Variants in SH3BGR observed in about 807,000 individuals in gnomAD.
SH3BGR encodes SH3 domain-binding glutamic acid-rich protein.
A neutral mutation model predicts 24.5 loss-of-function variants in SH3BGR; 29 were observed. That is an observed-to-expected ratio of 1.18 (90% CI 0.88 to 1.61). The LOEUF (loss-of-function observed/expected upper bound fraction) is 1.61, where lower values mean the gene tolerates loss of function less well. SH3BGR is among the 40% of genes most tolerant of loss of function. The probability of loss-of-function intolerance (pLI) is 0.00; values close to 1 mark genes in which losing one functional copy is unlikely to be tolerated. For missense variants in SH3BGR, 162 were observed against 205.8 expected (o/e 0.79, Z 1.30); for synonymous variants, 55 against 65.7 (o/e 0.84, Z 0.79).
chr21:39,512,001 G>A (rs1052946291), intron 6 of SH3BGR, among the ~76,000 whole-genome samples, 192 bp downstream of exon 6: 2 of 152,152 alleles, frequency 1.3e-5, no homozygotes, highest in Non-Finnish European at 2.9e-5. Context: ...CTGACCTTTC[G>A]TGGGTCTGTT....
upstream of SH3BGR, chr21:39,451,732 A>G: frequency 1.2e-6 from 1 of 801,448 alleles, no homozygotes. Flanking sequence ...CCTTGGCCCC[A>G]AGGCATCTCT....
At chr21:39,470,293 C>A (rs1316725951) in intron 2 of SH3BGR, among the ~76,000 whole-genome samples, 1 of 151,006 alleles carries the variant, frequency 6.6e-6, no homozygotes, top group East Asian at 1.9e-4. Context: ...GAGTCTGGTT[C>A]TGTCACCCAG....
intron 3 of SH3BGR, chr21:39,488,531 CT>C: frequency 2.7e-6 from 1 of 370,970 alleles, no homozygotes; most frequent in Non-Finnish European, 4.4e-6. Context: ...ACTTTGAGCA[CT>C]TCCTGCCCAT....
intron 1 of SH3BGR, 70 bp from the exon 2 acceptor site, chr21:39,462,302 AAGG>A (rs1221961921): frequency 9.3e-7 from 1 of 1,070,182 alleles, no homozygotes; most frequent in Non-Finnish European, 1.4e-6. Context: ...TAACTAGAGG[AAGG>A]ATTTAATTTT....
intron 4 of SH3BGR, among the ~76,000 whole-genome samples, chr21:39,506,725 G>C (rs1470194604): frequency 6.6e-6 from 1 of 152,166 alleles, no homozygotes; most frequent in African/African-American, 2.4e-5. Flanking sequence ...TTGACACGTG[G>C]TGATGATTGC....
intron 2 of SH3BGR, among the ~76,000 whole-genome samples, chr21:39,464,265 C>A (rs2077803606): frequency 6.6e-6 from 1 of 152,170 alleles, no homozygotes; most frequent in Non-Finnish European, 1.5e-5. Flanking sequence ...TCTTGTCTCC[C>A]AGGCTGGAGT....
chr21:39,461,443 A>C (rs1321346597), intron 1 of SH3BGR, among the ~76,000 whole-genome samples: 1 of 152,056 alleles, frequency 6.6e-6, no homozygotes, highest in Non-Finnish European at 1.5e-5. Flanking sequence ...GGCTGTTTGT[A>C]GATCTTAATT....
At chr21:39,447,679 A>G (rs1448002159), upstream of SH3BGR, among the ~76,000 whole-genome samples, 2 of 151,988 alleles carry the variant, frequency 1.3e-5, no homozygotes, top group African/African-American at 4.8e-5. Flanking sequence ...TCGGCCTCCC[A>G]AAATGTTGGG....
intron 6 of SH3BGR, among the ~76,000 whole-genome samples, chr21:39,513,459 A>G (rs1171438963): frequency 6.6e-6 from 1 of 152,208 alleles, no homozygotes; most frequent in African/African-American, 2.4e-5. Flanking sequence ...AAAGCACTTA[A>G]TCTATTTTTA....
intron 4 of SH3BGR, among the ~76,000 whole-genome samples, chr21:39,501,492 T>A (rs1204083965): frequency 6.6e-6 from 1 of 152,246 alleles, no homozygotes; most frequent in Non-Finnish European, 1.5e-5. Flanking sequence ...TATTTTTGTG[T>A]GGGCTATGGT....
At chr21:39,475,290 C>CTGTTTA in intron 3 of SH3BGR, 75 bp downstream of exon 3, 1 of 849,208 alleles carries the variant, frequency 1.2e-6, no homozygotes, top group Non-Finnish European at 2.0e-6. Context: ...GCATCCAAGA[C>CTGTTTA]TGTTTAATAC....
intron 3 of SH3BGR, among the ~76,000 whole-genome samples, chr21:39,479,734 G>C (rs1569161341): frequency 6.6e-6 from 1 of 152,148 alleles, no homozygotes; most frequent in Non-Finnish European, 1.5e-5. Context: ...GTCCAGGGAT[G>C]AGGAGGGAAA....
At chr21:39,458,117 A>G (rs1028924724) in intron 1 of SH3BGR, among the ~76,000 whole-genome samples, 1 of 152,184 alleles carries the variant, frequency 6.6e-6, no homozygotes, top group African/African-American at 2.4e-5. Context: ...TTTGGGATAG[A>G]CATGTACCTT....
chr21:39,482,677 C>CT (rs762506677), intron 3 of SH3BGR, among the ~76,000 whole-genome samples: 2,518 of 148,502 alleles, frequency 0.017, 34 homozygotes, highest in Non-Finnish European at 0.022. Flanking sequence ...TGGAGCAATG[C>CT]TTTTTTTTTT....
chr21:39,451,119 C>A (rs1337003761), upstream of SH3BGR, among the ~76,000 whole-genome samples: 1 of 152,122 alleles, frequency 6.6e-6, no homozygotes, highest in Non-Finnish European at 1.5e-5. Context: ...CTGCCCCGGA[C>A]CTTCTCTAAC....
chr21:39,482,894 T>C (rs2078154301), intron 3 of SH3BGR, among the ~76,000 whole-genome samples: 1 of 152,222 alleles, frequency 6.6e-6, no homozygotes, highest in African/African-American at 2.4e-5. Context: ...GGTCTCGAAC[T>C]CCTGACCTTA....
At chr21:39,485,038 T>C (rs1424998073) in intron 3 of SH3BGR, among the ~76,000 whole-genome samples, 2 of 152,258 alleles carry the variant, frequency 1.3e-5, no homozygotes, top group Non-Finnish European at 2.9e-5. Flanking sequence ...AGAACATTTT[T>C]CTTGTCTTAG....
intron 3 of SH3BGR, among the ~76,000 whole-genome samples, chr21:39,496,049 C>A (rs751515760): frequency 6.6e-5 from 10 of 152,112 alleles, no homozygotes; most frequent in African/African-American, 1.9e-4. Context: ...TCATAATGAA[C>A]CATGCAATAC....
intron 2 of SH3BGR, among the ~76,000 whole-genome samples, chr21:39,464,065 G>T (rs1265252619): frequency 6.6e-6 from 1 of 152,176 alleles, no homozygotes; most frequent in Non-Finnish European, 1.5e-5. Flanking sequence ...TTATGGAAGT[G>T]TCTCTGATCT....
Sources: gnomAD v4.1 joint callset for allele counts (sites outside exome capture counted in the v4.1 genomes callset) on GRCh38, gnomAD v4.1.1 for gene constraint, MANE v1.5 for transcripts, NCBI Gene and HGNC (gene_info 2026-07-23, HGNC 2026-07-21) for gene names.